Variants in CDS1 observed in about 807,000 individuals in gnomAD.
The protein encoded by CDS1 is phosphatidate cytidylyltransferase 1.
A neutral mutation model predicts 62.1 loss-of-function variants in CDS1; 41 were observed. That is an observed-to-expected ratio of 0.66 (90% CI 0.51 to 0.86). The LOEUF is 0.86. Among genes scored for constraint, CDS1 ranks in the 40% least tolerant of loss-of-function variants. CDS1 has a pLI of 0.00. For missense variants in CDS1, 470 were observed against 550.1 expected, an observed-to-expected ratio of 0.85 and a Z score of 1.46; for synonymous variants, 185 against 192.6, an observed-to-expected ratio of 0.96 and a Z score of 0.32.
intron 2 of CDS1, 101 bp downstream of exon 2, chr4:84,604,471 A>G: frequency 2.5e-6 from 3 of 1,197,274 alleles, no homozygotes; most frequent in East Asian, 2.4e-5. Flanking sequence ...TTTTCCAGCC[A>G]TGGTATTAGG....
Position 84,584,005 on chromosome 4 carries a change from C to T in CDS1, c.117+487C>T, listed in dbSNP as rs186011136. On this transcript the variant is annotated intron_variant, in intron 1 of 12. Transcript: ENST00000295887. ...TCTCGCGCTGCCCCATATGCACTTA[C>T]ATTTTCTCCATCCTTTTTCAGTATG... 2.5e-4 allele frequency among the ~76,000 whole-genome samples: 38 copies of T among 152,266 alleles called. 1 individual carries two copies. In the East Asian group the frequency reaches 6.0e-3, roughly 24 times the overall value.
intron 8 of CDS1, 141 bp downstream of exon 8, chr4:84,635,492 C>A: frequency 1.5e-6 from 1 of 684,074 alleles, no homozygotes. Context: ...GCAGAAGCAG[C>A]AAACCATATT....
intron 2 of CDS1, among the ~76,000 whole-genome samples, chr4:84,608,390 G>A (rs1356169828): frequency 6.6e-6 from 1 of 152,120 alleles, no homozygotes; most frequent in Non-Finnish European, 1.5e-5. Flanking sequence ...TAGCCAGGAT[G>A]GTCTCGATCT....
At chr4:84,616,743 T>A (rs1723508284) in intron 3 of CDS1, among the ~76,000 whole-genome samples, 1 of 152,214 alleles carries the variant, frequency 6.6e-6, no homozygotes, top group East Asian at 1.9e-4. Context: ...AGTCTTGGAA[T>A]CGACAGGTCA....
chr4:84,589,354 A>G (rs1578013314), intron 1 of CDS1, among the ~76,000 whole-genome samples: 1 of 152,210 alleles, frequency 6.6e-6, no homozygotes, highest in Non-Finnish European at 1.5e-5. Context: ...TTGTTATTGT[A>G]AAAGCCTTAT....
chr4:84,617,851 A>G (rs1222396374), intron 4 of CDS1, among the ~76,000 whole-genome samples, 190 bp downstream of exon 4: 1 of 152,166 alleles, frequency 6.6e-6, no homozygotes, highest in African/African-American at 2.4e-5. Flanking sequence ...AACTTTTTTC[A>G]GATCTCATAT....
intron 6 of CDS1, among the ~76,000 whole-genome samples, chr4:84,633,353 ATAGAGT>A (rs1249902845): frequency 6.6e-6 from 1 of 152,232 alleles, no homozygotes; most frequent in Non-Finnish European, 1.5e-5. Context: ...AGTATGAAAG[ATAGAGT>A]TTAAGGGCAA....
At chr4:84,622,824 C>T (rs1436386387) in intron 5 of CDS1, among the ~76,000 whole-genome samples, 1 of 151,908 alleles carries the variant, frequency 6.6e-6, no homozygotes, top group African/African-American at 2.4e-5. Flanking sequence ...ACCTACTTTA[C>T]TTCTTCATAT....
intron 11 of CDS1, 24 bp downstream of exon 11, chr4:84,643,167 T>C (rs757860880): frequency 5.0e-6 from 8 of 1,607,182 alleles, no homozygotes; most frequent in African/African-American, 4.0e-5. Flanking sequence ...TTCTTTGTTA[T>C]ATTATTAGAG....
chr4:84,636,242 G>A (rs1724207378), intron 8 of CDS1, among the ~76,000 whole-genome samples: 3 of 152,056 alleles, frequency 2.0e-5, no homozygotes, highest in African/African-American at 7.2e-5. Flanking sequence ...ATATCCATTT[G>A]TGTGACTTTT....
At chr4:84,634,344 G>A (rs1724113017) in intron 7 of CDS1, among the ~76,000 whole-genome samples, 1 of 152,140 alleles carries the variant, frequency 6.6e-6, no homozygotes, top group South Asian at 2.1e-4. Context: ...TTTTCTAGGT[G>A]AAAGTTGGGT....
At chr4:84,609,714 A>G (rs1002239783) in intron 3 of CDS1, among the ~76,000 whole-genome samples, 189 bp downstream of exon 3, 3 of 152,204 alleles carry the variant, frequency 2.0e-5, no homozygotes, top group African/African-American at 7.2e-5. Flanking sequence ...CAAAATGACT[A>G]TTCAGTGTGT....
chr4:84,583,796 C>G (rs1470282427), intron 1 of CDS1, among the ~76,000 whole-genome samples: 3 of 152,150 alleles, frequency 2.0e-5, no homozygotes, highest in Non-Finnish European at 4.4e-5. Context: ...CTTCCGGTCC[C>G]TTCTTCAGGA....
intron 4 of CDS1, among the ~76,000 whole-genome samples, chr4:84,618,092 A>G (rs1723557732): frequency 6.6e-6 from 1 of 152,166 alleles, no homozygotes; most frequent in African/African-American, 2.4e-5. Context: ...TAGTAACAAA[A>G]TCACCATAAT....
intron 3 of CDS1, among the ~76,000 whole-genome samples, chr4:84,613,551 A>T (rs900764865): frequency 6.6e-6 from 1 of 152,202 alleles, no homozygotes; most frequent in African/African-American, 2.4e-5. Context: ...CAGAGGTTTC[A>T]GTGAGCCGAG....
At chr4:84,609,637 C>G (rs1723253897) in intron 3 of CDS1, 112 bp downstream of exon 3, 7 of 677,244 alleles carry the variant, frequency 1.0e-5, no homozygotes, top group Non-Finnish European at 1.8e-5. Context: ...CACTCAGTCA[C>G]AGAATATTTA....
chr4:84,638,497 G>T (rs1432363527), intron 8 of CDS1, among the ~76,000 whole-genome samples: 2 of 152,090 alleles, frequency 1.3e-5, no homozygotes, highest in Non-Finnish European at 2.9e-5. Context: ...TCTATTTTTG[G>T]CCAATAGCAG....
intron 12 of CDS1, among the ~76,000 whole-genome samples, chr4:84,648,173 C>T (rs1377206822): frequency 6.6e-6 from 1 of 152,140 alleles, no homozygotes; most frequent in Non-Finnish European, 1.5e-5. Context: ...TTTTCATGCC[C>T]TCTTTTTGGT....
At chr4:84,588,225 G>A (rs956148727) in intron 1 of CDS1, among the ~76,000 whole-genome samples, 2 of 152,310 alleles carry the variant, frequency 1.3e-5, no homozygotes, top group Non-Finnish European at 1.5e-5. Flanking sequence ...GTGTGTTTGT[G>A]CATGGGGCTG....
Sources: gnomAD v4.1 joint callset for allele counts (sites outside exome capture counted in the v4.1 genomes callset) on GRCh38, gnomAD v4.1.1 for gene constraint, MANE v1.5 for transcripts, NCBI Gene and HGNC (gene_info 2026-07-23, HGNC 2026-07-21) for gene names.